Variants in SUPT3H observed in about 807,000 individuals in gnomAD.
SUPT3H encodes the protein SPT3 homolog, SAGA and STAGA complex component, also known as transcription initiation protein SPT3 homolog.
A neutral mutation model predicts 44.3 loss-of-function variants in SUPT3H; 44 were observed. The observed-to-expected ratio is 0.99, with a 90% CI of 0.78 to 1.28. The LOEUF (loss-of-function observed/expected upper bound fraction) is 1.28. Ranked by LOEUF, SUPT3H falls within the 50% of genes most tolerant of loss-of-function variation. The pLI is 0.00. For synonymous variants in SUPT3H, 124 were observed against 125.6 expected (o/e 0.99, Z 0.09); for missense variants, 380 against 387.1 (o/e 0.98, Z 0.15).
intron 11 of SUPT3H, among the ~76,000 whole-genome samples, chr6:44,819,613 G>C (rs1767143675): frequency 6.6e-6 from 1 of 151,438 alleles, no homozygotes; most frequent in Non-Finnish European, 1.5e-5. Flanking sequence ...GCAACATAGT[G>C]AGACCCTGTC....
chr6:44,931,081 T>G (rs1770516278), intron 10 of SUPT3H, among the ~76,000 whole-genome samples: 1 of 152,182 alleles, frequency 6.6e-6, no homozygotes, highest in African/African-American at 2.4e-5. Flanking sequence ...ACAAAAACTT[T>G]GAAGAGAGAA....
At chr6:44,869,944 G>A (rs1776096395) in intron 10 of SUPT3H, among the ~76,000 whole-genome samples, 1 of 152,156 alleles carries the variant, frequency 6.6e-6, no homozygotes, top group African/African-American at 2.4e-5. Flanking sequence ...TCATTTCCCT[G>A]CCTCTAAATT....
At chr6:45,086,476 T>C (rs1314894163) in intron 3 of SUPT3H, among the ~76,000 whole-genome samples, 1 of 152,030 alleles carries the variant, frequency 6.6e-6, no homozygotes, top group Non-Finnish European at 1.5e-5. Flanking sequence ...GAATTTTAAA[T>C]TTATAATGCT....
intron 2 of SUPT3H, among the ~76,000 whole-genome samples, chr6:45,196,870 TAC>T (rs1816124586): frequency 6.6e-6 from 1 of 151,756 alleles, no homozygotes; most frequent in South Asian, 2.1e-4. Context: ...AAGATTGACT[TAC>T]AGTGTTGCTA....
intron 7 of SUPT3H, 53 bp from the exon 8 acceptor site, chr6:44,954,660 A>G: frequency 1.0e-6 from 1 of 999,032 alleles, no homozygotes; most frequent in Non-Finnish European, 1.6e-6. Flanking sequence ...AAGTGTTTTA[A>G]TACTGCACAT....
chr6:45,062,385 T>G (rs949509561), intron 3 of SUPT3H, among the ~76,000 whole-genome samples: 14 of 151,918 alleles, frequency 9.2e-5, no homozygotes, highest in African/African-American at 3.4e-4. Context: ...TAACAAATAT[T>G]ACAGCCAAGA....
intron 10 of SUPT3H, among the ~76,000 whole-genome samples, chr6:44,878,271 T>C (rs4714828): frequency 0.34 from 51,079 of 152,084 alleles, 9,546 homozygotes; most frequent in Admixed American, 0.42. Context: ...TGACACTGTT[T>C]GAAGCAAAGT....
rs573757643 is a variant in SUPT3H at position 45,230,008 on chromosome 6, G to A, written c.102-124002C>T. Among the ~76,000 whole-genome samples, 3 of 151,924 alleles carry A rather than the reference G, an allele frequency of 2.0e-5. No individual in the cohort carries two copies. The South Asian group carries it at 6.3e-4, about 32-fold the overall frequency. ...CACCCTCCCAACTTACCCTGTCTCT[G>A]GTATCTATTCTTCTATTCTCCATGT... On this transcript the variant is annotated intron_variant, in intron 2 of 10. Coordinates refer to ENST00000371459, the MANE Select transcript of SUPT3H (RefSeq NM_003599.4).
chr6:45,049,042 T>C (rs548393234), intron 3 of SUPT3H, among the ~76,000 whole-genome samples: 120 of 152,226 alleles, frequency 7.9e-4, no homozygotes, highest in African/African-American at 2.8e-3. Context: ...GTCTTCTCAC[T>C]ACAAAAAAAT....
At chr6:45,024,296 T>A (rs1368862557) in intron 3 of SUPT3H, among the ~76,000 whole-genome samples, 2 of 152,196 alleles carry the variant, frequency 1.3e-5, no homozygotes, top group African/African-American at 4.8e-5. Context: ...TAAATAAATC[T>A]GTTCTCAATT....
At chr6:44,883,888 T>C (rs1252094159) in intron 10 of SUPT3H, among the ~76,000 whole-genome samples, 1 of 152,160 alleles carries the variant, frequency 6.6e-6, no homozygotes, top group African/African-American at 2.4e-5. Context: ...GATTAAAACT[T>C]AAACATAAGA....
chr6:44,965,310 C>T (rs1220998932), intron 6 of SUPT3H, among the ~76,000 whole-genome samples: 1 of 152,154 alleles, frequency 6.6e-6, no homozygotes, highest in East Asian at 1.9e-4. Context: ...GTATCTGCTA[C>T]CAGCTGCCTT....
chr6:44,929,923 G>A (rs2153460462), intron 10 of SUPT3H, among the ~76,000 whole-genome samples: 1 of 152,158 alleles, frequency 6.6e-6, no homozygotes, highest in Non-Finnish European at 1.5e-5. Flanking sequence ...TGAAACCTGT[G>A]TCACCCTGGT....
Position 44,869,821 on chromosome 6 carries a change from AC to A in SUPT3H, c.913-39965del, listed in dbSNP as rs149685876. On this transcript the variant is annotated intron_variant, in intron 10 of 10. Coordinates refer to ENST00000371459, the MANE Select transcript of SUPT3H (RefSeq NM_003599.4). ...TTCATTTATTTTCACTCATTCACTC[AC>A]CTATCAATCTTTAACAAGGTGTCAA... Among the ~76,000 whole-genome samples, 955 of 152,228 alleles carry A rather than the reference AC, an allele frequency of 6.3e-3. 18 individuals carry two copies. The highest frequency in any genetic ancestry group is 0.022 in the African/African-American group (904 of 41,538).
chr6:44,845,123 A>G (rs1342173364), intron 10 of SUPT3H, among the ~76,000 whole-genome samples: 2 of 152,220 alleles, frequency 1.3e-5, no homozygotes, highest in Non-Finnish European at 2.9e-5. Context: ...ATATGACTAG[A>G]GTTCCTTAAG....
chr6:45,018,644 T>C (rs1784661339), intron 4 of SUPT3H, among the ~76,000 whole-genome samples: 1 of 151,980 alleles, frequency 6.6e-6, no homozygotes, highest in African/African-American at 2.4e-5. Flanking sequence ...TATGCTGGAT[T>C]ACATTTATTG....
intron 2 of SUPT3H, among the ~76,000 whole-genome samples, chr6:45,177,061 T>C (rs1486339163): frequency 2.0e-5 from 3 of 152,344 alleles, no homozygotes; most frequent in South Asian, 2.1e-4. Flanking sequence ...GGAACAAAGC[T>C]GGACGGAGAA....
chr6:45,131,830 T>C (rs1803511984), intron 2 of SUPT3H, among the ~76,000 whole-genome samples: 1 of 152,186 alleles, frequency 6.6e-6, no homozygotes, highest in Non-Finnish European at 1.5e-5. Context: ...TCCCCAAATA[T>C]TCAGGCTGGT....
At chr6:45,238,136 A>G (rs912834822) in intron 2 of SUPT3H, among the ~76,000 whole-genome samples, 1 of 152,188 alleles carries the variant, frequency 6.6e-6, no homozygotes, top group African/African-American at 2.4e-5. Context: ...CTACTCGTAA[A>G]AAAATTTTTA....
Sources: gnomAD v4.1 joint callset for allele counts (sites outside exome capture counted in the v4.1 genomes callset) on GRCh38, gnomAD v4.1.1 for gene constraint, MANE v1.5 for transcripts, NCBI Gene and HGNC (gene_info 2026-07-23, HGNC 2026-07-21) for gene names.